RGS6: variants seen among roughly 807,000 people sequenced by gnomAD.
RGS6 encodes the protein regulator of G-protein signaling 6.
In RGS6, 30 loss-of-function variants were observed where a neutral mutation model predicts 78.5. That is an observed-to-expected ratio of 0.38 (90% CI 0.29 to 0.52). The LOEUF (loss-of-function observed/expected upper bound fraction) is 0.52, where lower values mean the gene tolerates loss of function less well. RGS6 is among the 20% of genes least tolerant of loss of function. The probability of loss-of-function intolerance (pLI) is 0.85; values close to 1 mark genes in which losing one functional copy is unlikely to be tolerated. For synonymous variants in RGS6, 206 were observed against 206.0 expected, an observed-to-expected ratio of 1.00 and a Z score of 0.00; for missense variants, 495 against 609.7, an observed-to-expected ratio of 0.81 and a Z score of 1.98.
At chr14:72,419,350 A>C (rs554117214) in intron 3 of RGS6, among the ~76,000 whole-genome samples, 1 of 152,316 alleles carries the variant, frequency 6.6e-6, no homozygotes, top group South Asian at 2.1e-4. Context: ...TAGGTGAGCA[A>C]TGGAGGCACA....
At chr14:72,366,710 A>G (rs1310129807) in intron 3 of RGS6, among the ~76,000 whole-genome samples, 1 of 152,190 alleles carries the variant, frequency 6.6e-6, no homozygotes. Context: ...GTAAGTAGGT[A>G]ACAAAGATGA....
intron 1 of RGS6, among the ~76,000 whole-genome samples, chr14:71,949,462 T>C (rs927961530): frequency 6.6e-6 from 1 of 152,198 alleles, no homozygotes; most frequent in East Asian, 1.9e-4. Context: ...CTTTTATTTG[T>C]CTTTTGCAGT....
At chr14:72,255,345 G>C (rs553905899) in intron 2 of RGS6, among the ~76,000 whole-genome samples, 1 of 152,258 alleles carries the variant, frequency 6.6e-6, no homozygotes, top group Admixed American at 6.5e-5. Context: ...CCTCAAGAAG[G>C]GGAACTGACT....
At position 72,522,573 on chromosome 14, in the gene RGS6, A is replaced by G. The variant is rs892238381; in HGVS notation, c.1278+4036A>G. Among the ~76,000 whole-genome samples, 20 of 152,384 alleles carry G rather than the reference A, an allele frequency of 1.3e-4. No homozygotes were observed. The East Asian group carries it at 3.1e-3, about 23-fold the overall frequency. On this transcript the variant is annotated intron_variant, in intron 15 of 17. Coordinates refer to ENST00000553525, the MANE Select transcript of RGS6 (RefSeq NM_001204424.2). ...CGATTCTGCATACAAAAGCAGCTAC[A>G]ATGCAACAACATAGCAATGTAAACA...
At chr14:72,246,401 G>A (rs891156491) in intron 2 of RGS6, among the ~76,000 whole-genome samples, 4 of 152,098 alleles carry the variant, frequency 2.6e-5, no homozygotes, top group African/African-American at 9.7e-5. Context: ...CTCTAACCTT[G>A]TAGCATTTAT....
At chr14:72,513,267 A>G (rs988843500) in intron 14 of RGS6, among the ~76,000 whole-genome samples, 2 of 152,184 alleles carry the variant, frequency 1.3e-5, no homozygotes, top group Non-Finnish European at 2.9e-5. Context: ...CAGAATGCGG[A>G]ATGGAGGAGC....
At chr14:72,242,750 G>A (rs377270798) in intron 2 of RGS6, among the ~76,000 whole-genome samples, 3 of 150,766 alleles carry the variant, frequency 2.0e-5, no homozygotes, top group South Asian at 4.2e-4. Context: ...GGTCACTACT[G>A]TATGGACAAG....
chr14:72,458,630 T>TA (rs2095695528), intron 5 of RGS6, among the ~76,000 whole-genome samples: 1 of 152,176 alleles, frequency 6.6e-6, no homozygotes, highest in Non-Finnish European at 1.5e-5. Flanking sequence ...ACAAAATACC[T>TA]AAACTGGGTA....
At chr14:71,923,371 G>A in the RGS6 span, among the ~76,000 whole-genome samples, 2 of 152,162 alleles carry the variant, frequency 1.3e-5, no homozygotes, top group Non-Finnish European at 2.9e-5. Context: ...GGCCTTCTAG[G>A]GGTAGGGCAT....
chr14:71,874,949 T>C, the RGS6 span, among the ~76,000 whole-genome samples: 1 of 152,362 alleles, frequency 6.6e-6, no homozygotes, highest in Admixed American at 6.5e-5. Context: ...TTACGTTTAC[T>C]GATTTGCGTA....
intron 3 of RGS6, among the ~76,000 whole-genome samples, chr14:72,376,358 G>A (rs1477667872): frequency 6.6e-6 from 1 of 152,138 alleles, no homozygotes; most frequent in Non-Finnish European, 1.5e-5. Flanking sequence ...AGGATTTATG[G>A]GATATCATTA....
intron 2 of RGS6, among the ~76,000 whole-genome samples, chr14:72,219,595 A>G (rs2046381793): frequency 6.6e-6 from 1 of 152,158 alleles, no homozygotes; most frequent in Non-Finnish European, 1.5e-5. Flanking sequence ...ATCAATTCTT[A>G]GAAACTGTAT....
intron 2 of RGS6, among the ~76,000 whole-genome samples, chr14:72,024,207 G>A (rs1019420667): frequency 1.2e-4 from 19 of 152,274 alleles, no homozygotes; most frequent in Non-Finnish European, 2.5e-4. Flanking sequence ...AGAACAGGAG[G>A]AAATAAAATC....
At chr14:71,946,149 C>T (rs559040911) in intron 1 of RGS6, among the ~76,000 whole-genome samples, 4 of 152,088 alleles carry the variant, frequency 2.6e-5, no homozygotes, top group South Asian at 2.1e-4. Context: ...AAGGGACTTT[C>T]ATTTTCAGGA....
intron 2 of RGS6, among the ~76,000 whole-genome samples, chr14:71,974,449 T>G (rs1027521443): frequency 6.6e-6 from 1 of 152,192 alleles, no homozygotes; most frequent in African/African-American, 2.4e-5. Context: ...ATCTTTCTGG[T>G]AAATAATATC....
chr14:72,270,354 A>G (rs1440883568), intron 2 of RGS6, among the ~76,000 whole-genome samples: 4 of 152,214 alleles, frequency 2.6e-5, no homozygotes, highest in Admixed American at 6.5e-5. Flanking sequence ...GAGAAGAGAA[A>G]GAAAGAGGAA....
chr14:72,037,055 C>T (rs1423722543), intron 2 of RGS6, among the ~76,000 whole-genome samples: 4 of 152,074 alleles, frequency 2.6e-5, no homozygotes, highest in African/African-American at 9.7e-5. Flanking sequence ...TGTAAAAACA[C>T]ACCAATCAGC....
In RGS6 at chr14:72,526,794, G is replaced by A. The variant is rs1047998980; in HGVS notation, c.1278+8257G>A. 2.7e-4 allele frequency among the ~76,000 whole-genome samples: 41 copies of A among 152,322 alleles called. 1 individual carries two copies. The highest frequency in any genetic ancestry group is 3.9e-4 in the Admixed American group (6 of 15,304). On this transcript the variant is annotated intron_variant, in intron 15 of 17. Coordinates refer to ENST00000553525, the MANE Select transcript of RGS6 (RefSeq NM_001204424.2). Reference sequence around the variant, plus strand: ...CTTATGTGGATGTCCATATTGTTGCGGTATCTTTTCTGTTGCCTCTTCTAT... The same window carrying A: ...CTTATGTGGATGTCCATATTGTTGCAGTATCTTTTCTGTTGCCTCTTCTAT...
intron 1 of RGS6, among the ~76,000 whole-genome samples, chr14:71,957,734 A>G (rs1239224163): frequency 1.3e-5 from 2 of 152,096 alleles, no homozygotes; most frequent in East Asian, 3.9e-4. Context: ...CTTAATTTTT[A>G]GAAACTTTAA....
Sources: allele counts gnomAD v4.1 joint callset (sites outside exome capture counted in the v4.1 genomes callset), GRCh38; gene constraint gnomAD v4.1.1; transcripts MANE v1.5; gene names NCBI Gene and HGNC (gene_info 2026-07-23, HGNC 2026-07-21).